BCR: variants seen among roughly 807,000 people sequenced by gnomAD.
The protein encoded by BCR is BCR activator of RhoGEF and GTPase, also known as breakpoint cluster region protein.
BCR carries 58 observed loss-of-function variants against 138.6 expected under a neutral mutation model. The ratio of observed to expected loss-of-function variants is 0.42; its 90% CI spans 0.34 to 0.52. The LOEUF is 0.52. Ranked by LOEUF, BCR falls within the 20% of genes least tolerant of loss-of-function variation. BCR has a pLI of 0.06. For synonymous variants in BCR, 786 were observed against 730.1 expected (o/e 1.08, Z -1.23); for missense variants, 1,599 against 1,727.2 (o/e 0.93, Z 1.32).
rs927641606 is a variant in BCR, at chr22:23,285,148, G to A, written c.2353G>A (p.Asp785Asn). ...NIPLVPDEELDALKIKISQIK... is the reference protein window; with the variant it reads ...NIPLVPDEELNALKIKISQIK... The stretch of plus-strand genomic sequence containing the variant: ...CCCCCTGGTGCCCGATGAGGAGCTG[G>A]ACGCTTTGAAGATCAAGATCTCCCA... The change falls in exon 10 of 23, where the codon GAC becomes AAC. Residue 785 changes from aspartate (D) to asparagine (N), a missense_variant. Physicochemically the swap from Asp to Asn is conservative, Grantham distance 23 (BLOSUM62 1). Around this residue, in one of 4 missense-constraint regions of BCR, gnomAD observed 590 missense variants for 762.4 expected, o/e 0.77. Coordinates refer to ENST00000305877, the MANE Select transcript of BCR (RefSeq NM_004327.4). 5.6e-6 allele frequency: 9 copies of A among 1,613,830 alleles called. No homozygotes were observed. Among genetic ancestry groups the A allele is most frequent in the Non-Finnish European group, 7.6e-6 (9 of 1,179,974 alleles).
intron 1 of BCR, among the ~76,000 whole-genome samples, chr22:23,196,884 G>T (rs1442611553): frequency 6.6e-6 from 1 of 152,228 alleles, no homozygotes; most frequent in African/African-American, 2.4e-5. Context: ...CTGCGGCCCA[G>T]TTCCTAACAG....
chr22:23,250,723 A>G (rs2073215305), intron 1 of BCR, among the ~76,000 whole-genome samples: 1 of 152,174 alleles, frequency 6.6e-6, no homozygotes, highest in African/African-American at 2.4e-5. Flanking sequence ...TCCATTGTCT[A>G]GTTCACATGC....
At chr22:23,190,368 A>G (rs1467849347) in intron 1 of BCR, among the ~76,000 whole-genome samples, 2 of 152,056 alleles carry the variant, frequency 1.3e-5, no homozygotes, top group East Asian at 1.9e-4. Flanking sequence ...GGGTTTCACC[A>G]TGTTAGCCAG....
chr22:23,281,527 G>A (rs372135772), intron 8 of BCR, among the ~76,000 whole-genome samples: 14 of 152,242 alleles, frequency 9.2e-5, no homozygotes, highest in African/African-American at 2.9e-4. Context: ...GCCACGCCAT[G>A]TGGGCCTCCC....
Position 23,261,365 on chromosome 22 carries a change from C to G in BCR, c.1577C>G (p.Pro526Arg). 1 of 1,612,576 alleles carries G rather than the reference C, an allele frequency of 6.2e-7. No individual in the cohort carries two copies. The highest frequency in any genetic ancestry group is 1.7e-5 in the Admixed American group (1 of 59,996). Reference protein sequence around the residue: ...HLEALLLPMKPLKAAATTSQP... With the variant: ...HLEALLLPMKRLKAAATTSQP... ...TGTGCCCTCTTCCAGCCCATGAAGC[C>G]TTTGAAAGCCGCTGCCACCACCTCT... is the stretch of plus-strand genomic sequence containing the variant. The change falls in exon 4 of 23, where the codon CCT (proline) becomes CGT (arginine). Residue 526 changes from proline to arginine, a missense_variant. Physicochemically the swap from Pro to Arg is moderately radical, Grantham distance 103 (BLOSUM62 -2). Around this residue, in one of 4 missense-constraint regions of BCR, gnomAD observed 590 missense variants for 762.4 expected, o/e 0.77. Coordinates refer to ENST00000305877, the MANE Select transcript of BCR (RefSeq NM_004327.4).
At chr22:23,245,308 T>C (rs961678770) in intron 1 of BCR, among the ~76,000 whole-genome samples, 2 of 152,172 alleles carry the variant, frequency 1.3e-5, no homozygotes, top group Non-Finnish European at 2.9e-5. Context: ...ATGGGGGGCC[T>C]TGGCTAGCCT....
chr22:23,251,031 C>T (rs1467663634), intron 1 of BCR: 2 of 152,208 alleles, frequency 1.3e-5, no homozygotes, highest in African/African-American at 4.8e-5. Context: ...CCTCGATGTC[C>T]CATGGATTAA....
At chr22:23,259,683 A>C (rs949350701) in intron 2 of BCR, among the ~76,000 whole-genome samples, 3 of 151,920 alleles carry the variant, frequency 2.0e-5, no homozygotes, top group Non-Finnish European at 4.4e-5. Flanking sequence ...CACCCGGCTA[A>C]TTTTTGTATT....
At chr22:23,197,923 G>A (rs1247790382) in intron 1 of BCR, among the ~76,000 whole-genome samples, 2 of 152,094 alleles carry the variant, frequency 1.3e-5, no homozygotes, top group South Asian at 2.1e-4. Flanking sequence ...GGTGAGCGCT[G>A]TGCTGGCAGG....
At chr22:23,304,223 A>G (rs1368817282) in intron 16 of BCR, among the ~76,000 whole-genome samples, 1 of 150,342 alleles carries the variant, frequency 6.7e-6, no homozygotes, top group Non-Finnish European at 1.5e-5. Flanking sequence ...TACAGGTGTG[A>G]ACCACCGTGC....
intron 4 of BCR, chr22:23,264,613 C>T (rs1409870142): frequency 3.1e-6 from 1 of 319,390 alleles, no homozygotes; most frequent in Non-Finnish European, 5.9e-6. Context: ...GAACCTCGGC[C>T]CTGCGACTCT....
intron 1 of BCR, among the ~76,000 whole-genome samples, chr22:23,190,293 G>A (rs1254276903): frequency 3.9e-5 from 6 of 152,072 alleles, no homozygotes; most frequent in Admixed American, 2.0e-4. Flanking sequence ...TCAGCCTTCC[G>A]AGTAGCTGGG....
chr22:23,228,212 T>A (rs1273994653), intron 1 of BCR, among the ~76,000 whole-genome samples: 1 of 152,230 alleles, frequency 6.6e-6, no homozygotes, highest in African/African-American at 2.4e-5. Flanking sequence ...TTTTCTGATA[T>A]AAGCATTTGA....
intron 1 of BCR, among the ~76,000 whole-genome samples, chr22:23,233,743 T>G (rs2146246225): frequency 7.3e-6 from 1 of 137,826 alleles, no homozygotes; most frequent in South Asian, 2.3e-4. Flanking sequence ...TGAGCTGAGA[T>G]CACACCACTG....
intron 1 of BCR, among the ~76,000 whole-genome samples, chr22:23,237,383 C>T (rs755690136): frequency 6.6e-5 from 10 of 152,126 alleles, no homozygotes; most frequent in Non-Finnish European, 1.3e-4. Context: ...CGAGCCTGGC[C>T]GATTGGGAGT....
In BCR at chr22:23,311,345, G is replaced by A. The variant is rs568994394; in HGVS notation, c.3183-352G>A. Among the ~76,000 whole-genome samples, 20 of 150,558 alleles carry A rather than the reference G, an allele frequency of 1.3e-4. No homozygotes were observed. In the East Asian group the frequency reaches 2.8e-3, roughly 21 times the overall value. On this transcript the variant is annotated intron_variant, in intron 18 of 22. Transcript: ENST00000305877. ...GCACGTGGGTGGCAGGACCAACACCGGGTCTGACCTCCCAGCCGGGGGTAC... is the reference window on the plus strand; with the variant it reads ...GCACGTGGGTGGCAGGACCAACACCAGGTCTGACCTCCCAGCCGGGGGTAC...
chr22:23,276,792 A>C (rs954118170), intron 8 of BCR, among the ~76,000 whole-genome samples: 1 of 90,584 alleles, frequency 1.1e-5, no homozygotes, highest in South Asian at 3.6e-4. Flanking sequence ...TCCTTGATGC[A>C]GAAAGAAAGA....
intron 10 of BCR, among the ~76,000 whole-genome samples, chr22:23,286,240 T>C (rs995573111): frequency 1.3e-5 from 2 of 152,186 alleles, no homozygotes; most frequent in African/African-American, 4.8e-5. Flanking sequence ...CAGAGATGTT[T>C]GAAGACTGTA....
intron 16 of BCR, among the ~76,000 whole-genome samples, chr22:23,296,373 C>CAAAAAA (rs996139532): frequency 3.5e-5 from 2 of 56,682 alleles, no homozygotes; most frequent in African/African-American, 6.3e-5. Flanking sequence ...GAGTCCGTCT[C>CAAAAAA]AAAAAAAAAA....
Sources: allele counts gnomAD v4.1 joint callset (sites outside exome capture counted in the v4.1 genomes callset), GRCh38; gene constraint gnomAD v4.1.1; regional missense constraint gnomAD v4.1.1; transcripts MANE v1.5; gene names NCBI Gene and HGNC (gene_info 2026-07-23, HGNC 2026-07-21).